The following BCO2 variants were observed in gnomAD, a reference collection of about 807,000 sequenced individuals.
The protein encoded by BCO2 is carotenoid-cleaving dioxygenase, mitochondrial.
A neutral mutation model predicts 65.8 loss-of-function variants in BCO2; 56 were observed. The observed-to-expected ratio is 0.85, with a 90% CI of 0.69 to 1.06. The LOEUF is 1.06. BCO2 is among the 50% of genes least tolerant of loss of function. BCO2 has a pLI of 0.00. For missense variants in BCO2, 675 were observed against 698.5 expected, an observed-to-expected ratio of 0.97 and a Z score of 0.38; for synonymous variants, 233 against 242.3, an observed-to-expected ratio of 0.96 and a Z score of 0.36.
chr11:112,185,983 T>C (rs1867188819), intron 2 of BCO2, among the ~76,000 whole-genome samples: 1 of 152,194 alleles, frequency 6.6e-6, no homozygotes, highest in Non-Finnish European at 1.5e-5. Context: ...TAAATCATCA[T>C]GCCCTTTCCT....
chr11:112,189,335 G>A (rs1275948605), intron 2 of BCO2, among the ~76,000 whole-genome samples: 1 of 151,580 alleles, frequency 6.6e-6, no homozygotes, highest in African/African-American at 2.4e-5. Flanking sequence ...AGTCTGGGCA[G>A]CCTAGCCAGA....
intron 5 of BCO2, among the ~76,000 whole-genome samples, chr11:112,196,423 G>A (rs957399275): frequency 3.3e-5 from 5 of 152,040 alleles, no homozygotes; most frequent in Non-Finnish European, 5.9e-5. Flanking sequence ...CTACCTTTAG[G>A]AAGTAAAAAG....
intron 2 of BCO2, chr11:112,181,420 A>G: frequency 1.7e-6 from 1 of 605,996 alleles, no homozygotes; most frequent in South Asian, 1.6e-5. Context: ...TGACCTCGTG[A>G]TCCGCCCGCC....
chr11:112,207,288 G>A (rs1859373864), intron 8 of BCO2, among the ~76,000 whole-genome samples: 1 of 152,098 alleles, frequency 6.6e-6, no homozygotes, highest in South Asian at 2.1e-4. Context: ...AATTGCTATA[G>A]GTATTTTTCT....
intron 2 of BCO2, among the ~76,000 whole-genome samples, chr11:112,188,208 C>G (rs11600712): frequency 0.13 from 19,535 of 152,184 alleles, 1,467 homozygotes; most frequent in East Asian, 0.39. Context: ...TTCTCCATCC[C>G]AGTTAAAGCA....
chr11:112,207,758 C>G (rs981922418), intron 8 of BCO2, among the ~76,000 whole-genome samples: 4 of 152,196 alleles, frequency 2.6e-5, no homozygotes, highest in African/African-American at 9.7e-5. Flanking sequence ...CCTCTTTACA[C>G]AATGTTGAGT....
chr11:112,190,559 T>C (rs1477209333), intron 2 of BCO2, among the ~76,000 whole-genome samples: 1 of 151,994 alleles, frequency 6.6e-6, no homozygotes, highest in East Asian at 1.9e-4. Flanking sequence ...AAAAATTGCT[T>C]AAGAAAATAG....
rs143803885 is a variant in BCO2, at chr11:112,187,707, A to C, written c.294-5767A>C. Among the ~76,000 whole-genome samples, 275 of 152,300 alleles carry C rather than the reference A, an allele frequency of 1.8e-3. 5 individuals are homozygous for C. The Middle Eastern group carries it at 0.02, about 11-fold the overall frequency. On this transcript the variant is annotated intron_variant, in intron 2 of 11. Transcript: ENST00000357685. Reference sequence around the variant, plus strand: ...GACGCAGCTCTTTTCCTCTTCTCTGAAACTTTGATGCATCACGATCCCTCC... The same window carrying C: ...GACGCAGCTCTTTTCCTCTTCTCTGCAACTTTGATGCATCACGATCCCTCC...
intron 8 of BCO2, among the ~76,000 whole-genome samples, chr11:112,213,059 C>A (rs146398912): frequency 6.6e-6 from 1 of 151,370 alleles, no homozygotes; most frequent in Non-Finnish European, 1.5e-5. Flanking sequence ...AGAAGGAAAG[C>A]ACCCTTTGTT....
intron 8 of BCO2, among the ~76,000 whole-genome samples, chr11:112,203,538 G>T (rs1172400472): frequency 1.3e-5 from 2 of 151,902 alleles, no homozygotes; most frequent in Admixed American, 6.5e-5. Context: ...ATATTAAAAT[G>T]GTTAGTATAG....
At chr11:112,193,139 A>G (rs891268209) in intron 2 of BCO2, among the ~76,000 whole-genome samples, 1 of 151,464 alleles carries the variant, frequency 6.6e-6, no homozygotes, top group Non-Finnish European at 1.5e-5. Context: ...CACCATGCCC[A>G]GTTAATTTTT....
At chr11:112,191,522 C>T (rs996303491) in intron 2 of BCO2, among the ~76,000 whole-genome samples, 1 of 152,140 alleles carries the variant, frequency 6.6e-6, no homozygotes, top group African/African-American at 2.4e-5. Context: ...AGTGATTCAA[C>T]ATCATAGAGA....
intron 8 of BCO2, among the ~76,000 whole-genome samples, chr11:112,204,893 G>A (rs1287922331): frequency 3.3e-5 from 5 of 152,150 alleles, no homozygotes; most frequent in Non-Finnish European, 7.3e-5. Context: ...TCGAACTCCT[G>A]ACCTCAGATG....
At position 112,202,430 on chromosome 11, in the gene BCO2, G is replaced by A. The variant is rs1449614351; in HGVS notation, c.1194+240G>A. On this transcript the variant is annotated intron_variant, in intron 8 of 11. Transcript: ENST00000357685. ...CCCGGGTAGCTGGGATTATAGGCAC[G>A]CACCACCATGCCCTGCTAATTTTTA... 6.6e-5 allele frequency among the ~76,000 whole-genome samples: 10 copies of A among 151,898 alleles called. No homozygotes were observed. In the South Asian group the frequency reaches 1.9e-3, roughly 28 times the overall value.
chr11:112,190,780 C>T (rs547427797), intron 2 of BCO2, among the ~76,000 whole-genome samples: 19 of 147,356 alleles, frequency 1.3e-4, no homozygotes, highest in South Asian at 4.3e-4. Flanking sequence ...TGCTTGAACC[C>T]GGGAGGCAGA....
chr11:112,176,916 C>T (rs1161716478), intron 1 of BCO2, among the ~76,000 whole-genome samples: 6 of 152,134 alleles, frequency 3.9e-5, no homozygotes, highest in Non-Finnish European at 8.8e-5. Context: ...GACAATGTCT[C>T]AGAAGCTACG....
chr11:112,192,072 A>G (rs2135366349), intron 2 of BCO2, among the ~76,000 whole-genome samples: 1 of 152,174 alleles, frequency 6.6e-6, no homozygotes, highest in Admixed American at 6.5e-5. Flanking sequence ...ACAACTCTTT[A>G]TTTCTCCTTC....
At chr11:112,213,946 A>C in intron 9 of BCO2, 85 bp downstream of exon 9, 1 of 1,036,706 alleles carries the variant, frequency 9.6e-7, no homozygotes. Flanking sequence ...AATGTCTGGT[A>C]CCCAATAACT....
chr11:112,199,708 A>G lies in BCO2; in HGVS notation c.746A>G (p.Tyr249Cys), dbSNP rs146824071. The G allele has an allele frequency of 3.3e-3, 5,331 of 1,613,580 alleles. 12 individuals carry two copies. Among genetic ancestry groups the G allele is most frequent in the Non-Finnish European group, 4.3e-3 (5,033 of 1,179,518 alleles). ...ACTTTTCATTTTTCAGGTTTCTCCTATAAGGTTATTCGGGTTCCTCCAGAG... is the reference window on the plus strand; with the variant it reads ...ACTTTTCATTTTTCAGGTTTCTCCTGTAAGGTTATTCGGGTTCCTCCAGAG... Reference protein sequence around the residue: ...GNSFGPYGFSYKVIRVPPEKV... With the variant: ...GNSFGPYGFSCKVIRVPPEKV... The change falls in exon 6 of 12, where the codon TAT becomes TGT. Residue 249 changes from tyrosine to cysteine, a missense_variant. Physicochemically the swap from Tyr to Cys is radical, Grantham distance 194 (BLOSUM62 -2). Transcript: ENST00000357685.
Sources: gnomAD v4.1 joint callset for allele counts (sites outside exome capture counted in the v4.1 genomes callset) on GRCh38, gnomAD v4.1.1 for gene constraint, MANE v1.5 for transcripts, NCBI Gene and HGNC (gene_info 2026-07-23, HGNC 2026-07-21) for gene names.